The following HDAC9 variants were observed in gnomAD, a reference collection of about 807,000 sequenced individuals.
HDAC9 encodes the protein MEF-2 interacting transcription repressor (MITR) protein.
In HDAC9, 41 loss-of-function variants were observed where a neutral mutation model predicts 139.4. The ratio of observed to expected loss-of-function variants is 0.29; its 90% CI spans 0.23 to 0.38. HDAC9 has a LOEUF of 0.38. HDAC9 is among the 10% of genes least tolerant of loss of function. The pLI is 1.00. For synonymous variants in HDAC9, 517 were observed against 476.2 expected, an observed-to-expected ratio of 1.09 and a Z score of -1.12; for missense variants, 1,147 against 1,297.0, an observed-to-expected ratio of 0.88 and a Z score of 1.78.
chr7:18,260,328 T>C (rs1206895246), intron 2 of HDAC9, among the ~76,000 whole-genome samples: 4 of 147,530 alleles, frequency 2.7e-5, no homozygotes, highest in African/African-American at 9.9e-5. Flanking sequence ...TTTTTGTTTT[T>C]TTTTTTTTTG....
At chr7:18,876,251 A>G (rs10486314) in intron 22 of HDAC9, among the ~76,000 whole-genome samples, 61,240 of 151,870 alleles carry the variant, frequency 0.4, 12,539 homozygotes, top group South Asian at 0.55. Flanking sequence ...ACATATATCT[A>G]TTCATTGGAG....
At chr7:18,992,706 C>G (rs1786082802) in intron 25 of HDAC9, among the ~76,000 whole-genome samples, 1 of 148,072 alleles carries the variant, frequency 6.8e-6, no homozygotes. Flanking sequence ...AAATTACTTC[C>G]TTTTTTTTTT....
intron 11 of HDAC9, among the ~76,000 whole-genome samples, chr7:18,658,402 G>C (rs1791984196): frequency 1.3e-5 from 2 of 152,116 alleles, no homozygotes; most frequent in African/African-American, 4.8e-5. Flanking sequence ...AGCAAGTTTT[G>C]AGAACCAGAG....
intron 24 of HDAC9, among the ~76,000 whole-genome samples, chr7:18,958,188 A>G (rs2269923): frequency 6.6e-6 from 1 of 152,048 alleles, no homozygotes; most frequent in East Asian, 1.9e-4. Flanking sequence ...GCAATGATTT[A>G]TCCTGACAGG....
At chr7:18,231,751 C>T (rs969854091) in intron 2 of HDAC9, among the ~76,000 whole-genome samples, 6 of 152,118 alleles carry the variant, frequency 3.9e-5, no homozygotes, top group South Asian at 2.1e-4. Flanking sequence ...TTTCTCATTA[C>T]GTTGGCTTTG....
intron 2 of HDAC9, among the ~76,000 whole-genome samples, chr7:18,580,007 C>T (rs1442738618): frequency 6.6e-6 from 1 of 152,126 alleles, no homozygotes; most frequent in Non-Finnish European, 1.5e-5. Context: ...GGTTTTTGAA[C>T]ATATGAAAAT....
intron 16 of HDAC9, among the ~76,000 whole-genome samples, chr7:18,778,372 C>T (rs1006158606): frequency 2.6e-4 from 40 of 151,884 alleles, no homozygotes; most frequent in African/African-American, 8.7e-4. Context: ...TTGGACCAAA[C>T]CACTGTGGGA....
chr7:18,093,769 G>A (rs150090468), intron 1 of HDAC9, among the ~76,000 whole-genome samples: 1,728 of 152,188 alleles, frequency 0.011, 18 homozygotes, highest in Middle Eastern at 0.024. Flanking sequence ...AGTCTATTGA[G>A]ACATTCTTCC....
At chr7:18,317,068 T>C (rs1312832772) in intron 1 of HDAC9, among the ~76,000 whole-genome samples, 18 of 150,120 alleles carry the variant, frequency 1.2e-4, no homozygotes, top group Non-Finnish European at 7.4e-5. Flanking sequence ...CATTCTAGCC[T>C]GGGCGACAGA....
At chr7:18,743,078 G>T (rs1441055432) in intron 13 of HDAC9, among the ~76,000 whole-genome samples, 1 of 151,024 alleles carries the variant, frequency 6.6e-6, no homozygotes, top group Non-Finnish European at 1.5e-5. Context: ...CAACGGCCCT[G>T]TTTTTTTTTC....
intron 2 of HDAC9, among the ~76,000 whole-genome samples, chr7:18,169,651 C>T (rs1009078746): frequency 5.3e-5 from 8 of 152,162 alleles, no homozygotes; most frequent in Middle Eastern, 3.4e-3. Context: ...TGATGTTCCC[C>T]GCCCTATGTC....
intron 1 of HDAC9, among the ~76,000 whole-genome samples, chr7:18,430,246 T>C (rs1442127519): frequency 6.6e-6 from 1 of 152,146 alleles, no homozygotes; most frequent in African/African-American, 2.4e-5. Flanking sequence ...TTTTTGGCGA[T>C]GGTGTCTTGC....
At chr7:18,896,840 C>A (rs1235364137) in intron 22 of HDAC9, among the ~76,000 whole-genome samples, 2 of 152,008 alleles carry the variant, frequency 1.3e-5, no homozygotes, top group African/African-American at 4.8e-5. Context: ...CTTCACACTG[C>A]AAATTCCACT....
intron 2 of HDAC9, among the ~76,000 whole-genome samples, chr7:18,276,574 G>A (rs2128217584): frequency 6.6e-6 from 1 of 152,286 alleles, no homozygotes; most frequent in Admixed American, 6.5e-5. Context: ...ATCTGTCTCT[G>A]CAGCATATTA....
Position 18,496,281 on chromosome 7 carries a change from G to A in HDAC9, c.-22G>A, listed in dbSNP as rs769941897. On this transcript the variant is annotated 5_prime_UTR_variant, in exon 2 of 26. Transcript: ENST00000686413. Reference sequence around the variant, plus strand: ...CCTCAGATGGGGTGGCTGGACGAGAGCAGCTCTTGGCTCAGCAAAGAATGC... The same window carrying A: ...CCTCAGATGGGGTGGCTGGACGAGAACAGCTCTTGGCTCAGCAAAGAATGC... 7 of 1,613,068 alleles carry A rather than the reference G, an allele frequency of 4.3e-6. No homozygotes were observed. The highest frequency in any genetic ancestry group is 3.4e-6 in the Non-Finnish European group (4 of 1,179,450).
chr7:18,244,030 G>T (rs1356698424), intron 2 of HDAC9, among the ~76,000 whole-genome samples: 1 of 152,226 alleles, frequency 6.6e-6, no homozygotes, highest in Non-Finnish European at 1.5e-5. Flanking sequence ...CCATGGAGGG[G>T]AATAGACTGT....
chr7:18,817,758 C>G (rs1794679903), intron 17 of HDAC9, among the ~76,000 whole-genome samples: 1 of 152,176 alleles, frequency 6.6e-6, no homozygotes, highest in Non-Finnish European at 1.5e-5. Flanking sequence ...CGGAGAAAAA[C>G]TGTACTATCC....
At chr7:18,849,440 A>G (rs1797124854) in intron 21 of HDAC9, among the ~76,000 whole-genome samples, 1 of 152,166 alleles carries the variant, frequency 6.6e-6, no homozygotes, top group Non-Finnish European at 1.5e-5. Flanking sequence ...TCAAAATTAT[A>G]GTAAATTGGT....
chr7:18,576,678 G>A (rs953027124), intron 2 of HDAC9, among the ~76,000 whole-genome samples: 13 of 150,134 alleles, frequency 8.7e-5, no homozygotes, highest in Non-Finnish European at 1.5e-4. Context: ...AAAAAATCAG[G>A]AGTAGGAAAG....
Sources: gnomAD v4.1 joint callset for allele counts (sites outside exome capture counted in the v4.1 genomes callset) on GRCh38, gnomAD v4.1.1 for gene constraint, MANE v1.5 for transcripts, NCBI Gene and HGNC (gene_info 2026-07-23, HGNC 2026-07-21) for gene names.